Variants in INSR observed in about 807,000 individuals in gnomAD.
INSR encodes the protein IR.
A neutral mutation model predicts 142.6 loss-of-function variants in INSR; 67 were observed. That is an observed-to-expected ratio of 0.47 (90% confidence interval 0.39 to 0.58). The LOEUF (loss-of-function observed/expected upper bound fraction) is 0.58. Among genes scored for constraint, INSR ranks in the 20% least tolerant of loss-of-function variants. The pLI is 0.00. For synonymous variants in INSR, 756 were observed against 743.1 expected (o/e 1.02, Z -0.28); for missense variants, 1,248 against 1,833.2 (o/e 0.68, Z 5.83).
At chr19:7,250,804 T>C (rs1018184315) in intron 2 of INSR, among the ~76,000 whole-genome samples, 8 of 151,944 alleles carry the variant, frequency 5.3e-5, no homozygotes, top group Non-Finnish European at 7.4e-5. Context: ...AAATGGTACT[T>C]GTTAAATAAA....
At chr19:7,254,762 A>G (rs748683196) in intron 2 of INSR, among the ~76,000 whole-genome samples, 60 of 152,236 alleles carry the variant, frequency 3.9e-4, no homozygotes, top group South Asian at 2.7e-3. Context: ...TCCCCGGGGC[A>G]TTTCAGGTGT....
chr19:7,167,990 A>T lies in INSR; in HGVS notation c.1588T>A (p.Phe530Ile). The T allele has an allele frequency of 6.2e-7, 1 of 1,613,766 alleles. No homozygotes were observed. Among genetic ancestry groups the T allele is most frequent in the Middle Eastern group, 1.6e-4 (1 of 6,062 alleles). Residue 530 changes from phenylalanine (F) to isoleucine (I), a missense_variant, in exon 7 of 22, where the codon TTC becomes ATC. Phe to Ile is a conservative substitution (Grantham distance 21). This residue lies in a region of INSR where 1,069 missense variants were observed against 1,654.0 expected (regional missense o/e 0.65). Coordinates refer to ENST00000302850, the MANE Select transcript of INSR (RefSeq NM_000208.4). Reference sequence around the variant, plus strand: ...TACGCCTCTTTGTAGAACAGCATGAACCCCAAGAGGTCTCGGAAGTCGGGG... The same window carrying T: ...TACGCCTCTTTGTAGAACAGCATGATCCCCAAGAGGTCTCGGAAGTCGGGG... ...WPPDFRDLLG[F>I]MLFYKEAPYQ...
In INSR at chr19:7,119,424, C is replaced by A; in HGVS notation, c.3794+25G>T. 6.2e-7 allele frequency: 1 copy of A among 1,614,090 alleles called. No homozygotes were observed. The highest frequency in any genetic ancestry group is 1.1e-5 in the South Asian group (1 of 91,078). On this transcript the variant is annotated intron_variant, in intron 21 of 21. Transcript: ENST00000302850. This position sits in a 1 kb window ranked among gnomAD's most constrained non-coding sequence, Gnocchi z 5.2. ...ATACCCTTTCAACGAACACCTCACA[C>A]ACCTTAAACCCTTTCTACACTTACA...
intron 1 of INSR, among the ~76,000 whole-genome samples, chr19:7,274,460 A>G (rs530855396): frequency 1.5e-4 from 22 of 151,104 alleles, no homozygotes; most frequent in African/African-American, 5.1e-4. Context: ...TGTGTGCTTT[A>G]CCCTGGCAGC....
At chr19:7,173,718 C>CA (rs1296459718) in intron 4 of INSR, among the ~76,000 whole-genome samples, 3 of 143,598 alleles carry the variant, frequency 2.1e-5, no homozygotes, top group African/African-American at 7.9e-5. Context: ...TTCCTGAGTT[C>CA]AAACGATTCT....
intron 2 of INSR, among the ~76,000 whole-genome samples, chr19:7,195,661 T>A (rs907516817): frequency 4.0e-5 from 6 of 150,646 alleles, no homozygotes; most frequent in Admixed American, 4.0e-4. Flanking sequence ...TAAAAATAAA[T>A]AAATAAATAA....
chr19:7,276,939 C>G (rs1318202933), intron 1 of INSR, among the ~76,000 whole-genome samples: 2 of 152,084 alleles, frequency 1.3e-5, no homozygotes, highest in Non-Finnish European at 2.9e-5. Context: ...CCAAGTTGGC[C>G]AGGCTAGTCT....
chr19:7,115,188 A>G lies in INSR; in HGVS notation c.*1868T>C, dbSNP rs981160053. The G allele has an allele frequency of 2.0e-5, 3 of 152,290 alleles. No individual in the cohort carries two copies. The highest frequency in any genetic ancestry group is 4.8e-5 in the African/African-American group (2 of 41,482). The allele number at this position is 152,290 out of a possible 1,614,324, so 9.4% of individuals were successfully genotyped here. ...TCTTAAGAGAAGAAGAAAAGGAAGC[A>G]GTCAAAAAGTTGTAAGAAAATGCAC... On this transcript the variant is annotated 3_prime_UTR_variant, in exon 22 of 22. Coordinates refer to ENST00000302850, the MANE Select transcript of INSR (RefSeq NM_000208.4).
chr19:7,284,591 C>G (rs1968295847), intron 1 of INSR, among the ~76,000 whole-genome samples: 1 of 152,092 alleles, frequency 6.6e-6, no homozygotes, highest in Non-Finnish European at 1.5e-5. Context: ...TGCAGAGGCA[C>G]AATCTCGGCT....
intron 1 of INSR, among the ~76,000 whole-genome samples, chr19:7,281,260 T>C (rs1209755352): frequency 6.6e-6 from 1 of 152,104 alleles, no homozygotes; most frequent in Admixed American, 6.6e-5. Context: ...AGGGAACATA[T>C]GAGGTCCTCC....
intron 2 of INSR, among the ~76,000 whole-genome samples, chr19:7,250,588 A>G (rs112435464): frequency 0.035 from 3,948 of 112,228 alleles, 200 homozygotes; most frequent in African/African-American, 0.12. Context: ...GAGGGAGGGA[A>G]GGAAGGAAGG....
intron 3 of INSR, among the ~76,000 whole-genome samples, chr19:7,176,288 G>A (rs1002098417): frequency 2.0e-5 from 3 of 152,128 alleles, no homozygotes; most frequent in Admixed American, 6.6e-5. Context: ...GAGTTCTCAC[G>A]AGATCTGGTT....
At chr19:7,151,704 GAA>G (rs113079437) in intron 10 of INSR, among the ~76,000 whole-genome samples, 1 of 138,212 alleles carries the variant, frequency 7.2e-6, no homozygotes. Context: ...AAAAAGAAAA[GAA>G]AAAAAAAAAA....
At chr19:7,146,236 C>CTTT (rs35961932) in intron 11 of INSR, among the ~76,000 whole-genome samples, 3,897 of 110,336 alleles carry the variant, frequency 0.035, 301 homozygotes, top group African/African-American at 0.12. Flanking sequence ...TTGTCAAGTT[C>CTTT]TTTTTTTTTT....
intron 1 of INSR, chr19:7,268,598 C>G (rs933677230): frequency 1.0e-6 from 1 of 985,224 alleles, no homozygotes; most frequent in African/African-American, 1.7e-5. Flanking sequence ...GCCCACAACT[C>G]TTGCACAACT....
At chr19:7,135,483 A>T (rs34343766) in intron 13 of INSR, among the ~76,000 whole-genome samples, 8 of 146,638 alleles carry the variant, frequency 5.5e-5, no homozygotes, top group Admixed American at 3.4e-4. Context: ...GCGAGACTCC[A>T]GCCTGGGCAA....
At chr19:7,276,379 C>G (rs1361479536) in intron 1 of INSR, among the ~76,000 whole-genome samples, 1 of 152,054 alleles carries the variant, frequency 6.6e-6, no homozygotes, top group African/African-American at 2.4e-5. Flanking sequence ...ATCCTGGGCT[C>G]AAGCAGTCCT....
chr19:7,141,383 T>G, intron 13 of INSR: 1 of 436,418 alleles, frequency 2.3e-6, no homozygotes, highest in East Asian at 5.0e-5. Flanking sequence ...CTCAAATAAC[T>G]CCTTCTAAAG....
At chr19:7,177,653 G>A (rs542921753) in intron 3 of INSR, among the ~76,000 whole-genome samples, 10 of 149,958 alleles carry the variant, frequency 6.7e-5, no homozygotes, top group South Asian at 2.1e-4. Context: ...TCAGCCTCCC[G>A]AGTAGCTGGG....
Sources: gnomAD v4.1 joint callset for allele counts (sites outside exome capture counted in the v4.1 genomes callset) on GRCh38, gnomAD v4.1.1 for gene constraint, gnomAD v4.1.1 regional missense constraint, Gnocchi (gnomAD v3.1) non-coding constraint, MANE v1.5 for transcripts, NCBI Gene and HGNC (gene_info 2026-07-23, HGNC 2026-07-21) for gene names.